The following ADCY10 variants were observed in gnomAD, a reference collection of about 807,000 sequenced individuals.
ADCY10 encodes adenylate cyclase 10.
A neutral mutation model predicts 183.3 loss-of-function variants in ADCY10; 156 were observed. The observed-to-expected ratio is 0.85, with a 90% CI of 0.75 to 0.97. The LOEUF (loss-of-function observed/expected upper bound fraction) is 0.97, where lower values mean the gene tolerates loss of function less well. Among genes scored for constraint, ADCY10 ranks in the 50% least tolerant of loss-of-function variants. The probability of loss-of-function intolerance (pLI) is 0.00; values close to 1 mark genes in which losing one functional copy is unlikely to be tolerated. For synonymous variants in ADCY10, 645 were observed against 670.0 expected (o/e 0.96, Z 0.58); for missense variants, 1,745 against 1,934.3 (o/e 0.90, Z 1.84).
chr1:167,860,929 A>T lies in ADCY10; in HGVS notation c.1751T>A (p.Val584Asp). The T allele has an allele frequency of 6.2e-7, 1 of 1,614,150 alleles. No homozygotes were observed. The highest frequency in any genetic ancestry group is 8.5e-7 in the Non-Finnish European group (1 of 1,180,020). The change falls in exon 15 of 33, where the codon GTC becomes GAC. Residue 584 changes from valine to aspartate, a missense_variant. By Grantham distance (152) the Val-to-Asp change is radical. Coordinates refer to ENST00000367851, the MANE Select transcript of ADCY10 (RefSeq NM_018417.6). ...GAACTTTTCATCCAACAGTGTCATGACTTTATTTCGAAGGTTGGTCTGTCG... is the reference window on the plus strand; with the variant it reads ...GAACTTTTCATCCAACAGTGTCATGTCTTTATTTCGAAGGTTGGTCTGTCG... ...KERQTNLRNKVMTLLDEKFYC... is the reference protein window; with the variant it reads ...KERQTNLRNKDMTLLDEKFYC...
At chr1:167,861,990 T>G (rs992170525) in intron 14 of ADCY10, among the ~76,000 whole-genome samples, 4 of 152,184 alleles carry the variant, frequency 2.6e-5, no homozygotes. Flanking sequence ...ATGATTATAA[T>G]TTTCCTGAGG....
At chr1:167,885,807 G>A (rs1028202671) in intron 8 of ADCY10, among the ~76,000 whole-genome samples, 1 of 151,966 alleles carries the variant, frequency 6.6e-6, no homozygotes, top group Non-Finnish European at 1.5e-5. Context: ...GTAGAGACGG[G>A]GTTTCACCAT....
intron 21 of ADCY10, among the ~76,000 whole-genome samples, chr1:167,839,765 A>G (rs1664477983): frequency 6.6e-6 from 1 of 152,132 alleles, no homozygotes; most frequent in Non-Finnish European, 1.5e-5. Flanking sequence ...AATGTCTACC[A>G]TTTTTCACTA....
At chr1:167,869,649 C>A (rs1412274134) in intron 14 of ADCY10, among the ~76,000 whole-genome samples, 1 of 152,086 alleles carries the variant, frequency 6.6e-6, no homozygotes, top group African/African-American at 2.4e-5. Flanking sequence ...ATTGTGAAAT[C>A]TCTCGTTCTG....
intron 8 of ADCY10, among the ~76,000 whole-genome samples, chr1:167,887,791 CACTT>C (rs1668330323): frequency 6.9e-6 from 1 of 145,734 alleles, no homozygotes; most frequent in Non-Finnish European, 1.5e-5. Flanking sequence ...AAAAAAAAAA[CACTT>C]GATGTTATCC....
chr1:167,866,854 A>T (rs1666735359), intron 14 of ADCY10, among the ~76,000 whole-genome samples: 1 of 151,978 alleles, frequency 6.6e-6, no homozygotes, highest in Non-Finnish European at 1.5e-5. Context: ...CCTATCTCTC[A>T]AAACAACTAG....
intron 8 of ADCY10, among the ~76,000 whole-genome samples, chr1:167,890,004 A>G (rs203859): frequency 0.26 from 40,272 of 152,068 alleles, 5,781 homozygotes; most frequent in African/African-American, 0.38. Context: ...TTCCTCAAAC[A>G]GCTTTTTTGA....
At position 167,809,462 on chromosome 1, in the gene ADCY10, G is replaced by C. The variant is rs977746423; in HGVS notation, c.*216C>G. 3.7e-5 allele frequency: 21 copies of C among 571,112 alleles called. No homozygotes were observed. The African/African-American group carries it at 3.8e-4, about 10-fold the overall frequency. 35.4% of individuals were successfully genotyped at this position (571,112 alleles called of 1,614,324 possible). A position where few individuals can be genotyped will look rare whatever the true frequency, so the allele number is the denominator to read the frequency against. ...CAGGTCAAGCTAAAACAACATGAAT[G>C]GTAAAAGCAATTTTTTGTAACATTA... On this transcript the variant is annotated 3_prime_UTR_variant, in exon 33 of 33. Coordinates refer to ENST00000367851, the MANE Select transcript of ADCY10 (RefSeq NM_018417.6).
At chr1:167,886,126 G>T (rs1668207772) in intron 8 of ADCY10, among the ~76,000 whole-genome samples, 2 of 152,006 alleles carry the variant, frequency 1.3e-5, no homozygotes, top group East Asian at 3.9e-4. Context: ...TACTGCTCAA[G>T]GTAATTTATA....
intron 2 of ADCY10, among the ~76,000 whole-genome samples, chr1:167,904,272 C>T (rs1669668131): frequency 2.0e-5 from 3 of 151,850 alleles, no homozygotes; most frequent in African/African-American, 7.3e-5. Context: ...ATTTTTAGTA[C>T]AGATGGGGTT....
At chr1:167,893,123 G>A (rs1450410402) in intron 8 of ADCY10, among the ~76,000 whole-genome samples, 1 of 152,138 alleles carries the variant, frequency 6.6e-6, no homozygotes, top group African/African-American at 2.4e-5. Flanking sequence ...GGAGGGTGGA[G>A]GTAGCTCAGA....
intron 9 of ADCY10, among the ~76,000 whole-genome samples, chr1:167,882,306 G>A (rs1432355360): frequency 3.3e-5 from 5 of 151,882 alleles, no homozygotes; most frequent in African/African-American, 7.3e-5. Context: ...CCAACATGGC[G>A]AAACCTCATC....
chr1:167,848,542 G>A, intron 18 of ADCY10, 53 bp from the exon 19 acceptor site: 1 of 1,607,682 alleles, frequency 6.2e-7, no homozygotes, highest in Non-Finnish European at 8.5e-7. Context: ...GTCTTATAAG[G>A]TCTGATTTTC....
At chr1:167,855,038 G>T (rs1485855103) in intron 17 of ADCY10, among the ~76,000 whole-genome samples, 1 of 152,100 alleles carries the variant, frequency 6.6e-6, no homozygotes, top group African/African-American at 2.4e-5. Context: ...GACGCCAGGA[G>T]AGCCAGGCTC....
chr1:167,849,880 C>T (rs917472774), intron 18 of ADCY10, among the ~76,000 whole-genome samples: 1 of 152,058 alleles, frequency 6.6e-6, no homozygotes, highest in African/African-American at 2.4e-5. Context: ...GAGTACTTAG[C>T]GAGTTAGGGG....
chr1:167,868,528 G>A (rs1227789341), intron 14 of ADCY10, among the ~76,000 whole-genome samples: 2 of 152,104 alleles, frequency 1.3e-5, no homozygotes, highest in Admixed American at 6.5e-5. Flanking sequence ...GTTGCAGACC[G>A]TTTAAGCCCA....
intron 12 of ADCY10, among the ~76,000 whole-genome samples, chr1:167,878,042 T>C (rs1274474090): frequency 6.6e-6 from 1 of 152,218 alleles, no homozygotes; most frequent in African/African-American, 2.4e-5. Flanking sequence ...TGTATTTCAC[T>C]AAAGACTTAG....
intron 31 of ADCY10, among the ~76,000 whole-genome samples, chr1:167,814,135 ATTAC>A (rs1227178246): frequency 6.6e-6 from 1 of 152,168 alleles, no homozygotes; most frequent in Non-Finnish European, 1.5e-5. Context: ...TTTATCAGTA[ATTAC>A]TTTAAATTGA....
At chr1:167,861,461 A>G (rs1432979278) in intron 14 of ADCY10, among the ~76,000 whole-genome samples, 1 of 151,956 alleles carries the variant, frequency 6.6e-6, no homozygotes, top group Non-Finnish European at 1.5e-5. Context: ...CTAGCAATCT[A>G]CCCTTCACCA....
Sources: gnomAD v4.1 joint callset for allele counts (sites outside exome capture counted in the v4.1 genomes callset) on GRCh38, gnomAD v4.1.1 for gene constraint, MANE v1.5 for transcripts, NCBI Gene and HGNC (gene_info 2026-07-23, HGNC 2026-07-21) for gene names.